SOX5: variants seen among roughly 807,000 people sequenced by gnomAD.
SOX5 encodes SRY-box transcription factor 5.
In SOX5, 9 loss-of-function variants were observed where a neutral mutation model predicts 92.0. That is an observed-to-expected ratio of 0.10 (90% CI 0.06 to 0.17). SOX5 has a LOEUF of 0.17. Ranked by LOEUF, SOX5 falls within the 10% of genes least tolerant of loss-of-function variation. The pLI is 1.00. For synonymous variants in SOX5, 344 were observed against 336.3 expected, an observed-to-expected ratio of 1.02 and a Z score of -0.25; for missense variants, 642 against 944.5, an observed-to-expected ratio of 0.68 and a Z score of 4.20.
intron 1 of SOX5, among the ~76,000 whole-genome samples, chr12:24,530,956 G>T (rs1362214114): frequency 6.6e-6 from 1 of 152,082 alleles, no homozygotes. Flanking sequence ...GGTGAATACT[G>T]AGTTTCTTAC....
At chr12:24,327,342 G>A (rs373906703) in intron 2 of SOX5, among the ~76,000 whole-genome samples, 1 of 145,668 alleles carries the variant, frequency 6.9e-6, no homozygotes, top group African/African-American at 2.5e-5. Flanking sequence ...TACAGATGAC[G>A]CAGGTGCACA....
intron 1 of SOX5, among the ~76,000 whole-genome samples, chr12:24,483,940 T>C (rs898652677): frequency 3.9e-5 from 6 of 152,356 alleles, no homozygotes; most frequent in Non-Finnish European, 8.8e-5. Flanking sequence ...GAATCAGATA[T>C]ATATTATGTC....
chr12:24,386,612 A>G (rs1958443868), intron 1 of SOX5, among the ~76,000 whole-genome samples: 1 of 152,184 alleles, frequency 6.6e-6, no homozygotes, highest in South Asian at 2.1e-4. Flanking sequence ...ACTCCTGGGT[A>G]CTTGTCATAT....
chr12:24,032,898 T>C (rs1399817198), intron 4 of SOX5, among the ~76,000 whole-genome samples: 5 of 152,060 alleles, frequency 3.3e-5, no homozygotes, highest in South Asian at 2.1e-4. Flanking sequence ...TAGCAGGTTA[T>C]ATATTTCACA....
chr12:23,755,662 A>G lies in SOX5; in HGVS notation c.544T>C (p.Ser182Pro). 1 of 1,592,070 alleles carries G rather than the reference A, an allele frequency of 6.3e-7. No individual in the cohort carries two copies. The highest frequency in any genetic ancestry group is 1.4e-5 in the African/African-American group (1 of 73,496). Residue 182 changes from serine to proline, a missense_variant, in exon 4 of 15, where the codon TCG becomes CCG. This residue lies in a region of SOX5 where 324 missense variants were observed against 461.6 expected (regional missense o/e 0.70). Coordinates refer to ENST00000451604, the MANE Select transcript of SOX5 (RefSeq NM_006940.6). The stretch of plus-strand genomic sequence containing the variant: ...CCTTTTATTTCGCCAAAGTTCCCCG[A>G]TCCCATTGCAAGAAGCTTGTCTTTC... ...DWKDKLLAMGSGNFGEIKGTP... is the reference protein window; with the variant it reads ...DWKDKLLAMGPGNFGEIKGTP...
intron 1 of SOX5, among the ~76,000 whole-genome samples, chr12:24,470,295 T>C (rs1323787020): frequency 6.6e-6 from 1 of 152,108 alleles, no homozygotes; most frequent in Non-Finnish European, 1.5e-5. Flanking sequence ...GGAAGGACCA[T>C]AAACAAAGGC....
At chr12:24,032,168 A>G (rs34789910) in intron 4 of SOX5, among the ~76,000 whole-genome samples, 21,037 of 151,758 alleles carry the variant, frequency 0.14, 1,918 homozygotes, top group African/African-American at 0.26. Context: ...ACTATGGGCA[A>G]ATTATAGTAA....
chr12:24,110,222 T>C (rs1593246724), intron 4 of SOX5, among the ~76,000 whole-genome samples: 1 of 152,178 alleles, frequency 6.6e-6, no homozygotes, highest in South Asian at 2.1e-4. Context: ...CCAACACCAA[T>C]AAAGCTTTCA....
intron 4 of SOX5, among the ~76,000 whole-genome samples, chr12:24,201,905 A>G (rs753093125): frequency 1.9e-4 from 29 of 152,166 alleles, no homozygotes; most frequent in African/African-American, 6.5e-4. Context: ...CTTTCCCTCT[A>G]TGAAAACATT....
At chr12:24,254,282 C>G (rs1011995901) in intron 3 of SOX5, among the ~76,000 whole-genome samples, 1 of 151,018 alleles carries the variant, frequency 6.6e-6, no homozygotes, top group African/African-American at 2.4e-5. Context: ...TTGGTGGTCA[C>G]AGGAAAGGCA....
chr12:23,978,607 G>A (rs1949177633), intron 4 of SOX5, among the ~76,000 whole-genome samples: 1 of 151,988 alleles, frequency 6.6e-6, no homozygotes, highest in Non-Finnish European at 1.5e-5. Context: ...TAAACCTAAA[G>A]GATAAGGAAT....
intron 4 of SOX5, among the ~76,000 whole-genome samples, chr12:24,131,132 A>G (rs898717763): frequency 6.6e-6 from 1 of 152,186 alleles, no homozygotes; most frequent in Non-Finnish European, 1.5e-5. Context: ...CACCATCAAA[A>G]TTATTTTAAT....
At position 23,816,207 on chromosome 12, in the gene SOX5, CTT is replaced by C. The variant is rs11347313; in HGVS notation, c.481+29774_481+29775del. ...GAGGAGAGACACTTGGACAAGATTT[CTT>C]TTTTTTTTTTTTTTTTGTTGGATGG... On this transcript the variant is annotated intron_variant, in intron 3 of 14. Transcript: ENST00000451604. Among the ~76,000 whole-genome samples, 595 of 129,568 alleles carry C rather than the reference CTT, an allele frequency of 4.6e-3. 6 individuals carry two copies. In the East Asian group the frequency reaches 0.051, roughly 11 times the overall value. The allele number at this position is 129,568 out of a possible 152,430, so 85.0% of individuals were successfully genotyped here.
chr12:24,541,628 T>C (rs191407028), intron 1 of SOX5, among the ~76,000 whole-genome samples: 7 of 152,354 alleles, frequency 4.6e-5, no homozygotes, highest in Admixed American at 4.6e-4. Flanking sequence ...TCATGGTTAA[T>C]TTTTAGACTC....
intron 1 of SOX5, among the ~76,000 whole-genome samples, chr12:23,918,305 T>C (rs551867433): frequency 6.6e-6 from 1 of 152,350 alleles, no homozygotes; most frequent in African/African-American, 2.4e-5. Flanking sequence ...ACATGGTTCC[T>C]AGAGAGTTCT....
intron 9 of SOX5, 39 bp from the exon 10 acceptor site, chr12:23,575,877 G>C: frequency 3.4e-6 from 5 of 1,482,194 alleles, no homozygotes; most frequent in Non-Finnish European, 4.5e-6. Flanking sequence ...GATAAGGAAA[G>C]GCTGATAAAA....
intron 3 of SOX5, among the ~76,000 whole-genome samples, chr12:23,782,566 A>C (rs2095302967): frequency 6.6e-6 from 1 of 152,162 alleles, no homozygotes; most frequent in African/African-American, 2.4e-5. Flanking sequence ...GATTTAATGA[A>C]AATGATCAAA....
At chr12:24,229,807 T>G (rs11832107) in intron 3 of SOX5, among the ~76,000 whole-genome samples, 4,782 of 152,246 alleles carry the variant, frequency 0.031, 240 homozygotes, top group African/African-American at 0.11. Context: ...CCGCTAGCAA[T>G]AAAAGGGGGA....
intron 1 of SOX5, among the ~76,000 whole-genome samples, chr12:24,406,912 G>T (rs1963088672): frequency 6.6e-6 from 1 of 152,134 alleles, no homozygotes; most frequent in Non-Finnish European, 1.5e-5. Flanking sequence ...TACGATTAAA[G>T]AAACCCCAAA....
Sources: gnomAD v4.1 joint callset for allele counts (sites outside exome capture counted in the v4.1 genomes callset) on GRCh38, gnomAD v4.1.1 for gene constraint, gnomAD v4.1.1 regional missense constraint, MANE v1.5 for transcripts, NCBI Gene and HGNC (gene_info 2026-07-23, HGNC 2026-07-21) for gene names.